The following TAMM41 variants were observed in gnomAD, a reference collection of about 807,000 sequenced individuals.
TAMM41 encodes phosphatidate cytidylyltransferase, mitochondrial.
In TAMM41, 36 loss-of-function variants were observed where a neutral mutation model predicts 44.1. The observed-to-expected ratio is 0.82, with a 90% confidence interval of 0.63 to 1.08. The LOEUF is 1.08. Ranked by LOEUF, TAMM41 falls within the 50% of genes least tolerant of loss-of-function variation. The probability of loss-of-function intolerance (pLI) is 0.00; values close to 1 mark genes in which losing one functional copy is unlikely to be tolerated. For synonymous variants in TAMM41, 164 were observed against 153.1 expected (o/e 1.07, Z -0.53); for missense variants, 417 against 404.3 (o/e 1.03, Z -0.27).
the TAMM41 span, among the ~76,000 whole-genome samples, chr3:11,781,817 G>A: frequency 5.9e-5 from 9 of 151,652 alleles, no homozygotes; most frequent in Non-Finnish European, 8.8e-5. Context: ...TGTCCCAGTC[G>A]TCAACAAATT....
intron 6 of TAMM41, chr3:11,808,101 C>T (rs948052251): frequency 1.4e-5 from 16 of 1,107,820 alleles, no homozygotes; most frequent in South Asian, 1.8e-5. Flanking sequence ...TGGCGCCACC[C>T]GGCTGTGTGA....
intron 2 of TAMM41, chr3:11,843,623 G>C (rs969524622): frequency 6.4e-6 from 1 of 157,222 alleles, no homozygotes; most frequent in African/African-American, 2.4e-5. Flanking sequence ...GGCTGAGGCG[G>C]GAGAATCACT....
chr3:11,763,092 G>A, the TAMM41 span, among the ~76,000 whole-genome samples: 3 of 152,176 alleles, frequency 2.0e-5, no homozygotes, highest in Admixed American at 2.0e-4. Context: ...TGCCCTCCCA[G>A]TGTAGACACA....
chr3:11,745,668 G>A, the TAMM41 span, among the ~76,000 whole-genome samples: 1 of 152,294 alleles, frequency 6.6e-6, no homozygotes, highest in South Asian at 2.1e-4. Flanking sequence ...GTTGCCAGGA[G>A]CTGTGGGAAG....
intron 5 of TAMM41, chr3:11,810,639 G>A (rs1209352865): frequency 6.6e-6 from 1 of 152,158 alleles, no homozygotes; most frequent in Admixed American, 6.5e-5. Context: ...CTTCAACTAA[G>A]AGAAGAGTAA....
chr3:11,728,157 T>C, the TAMM41 span, among the ~76,000 whole-genome samples: 629 of 152,354 alleles, frequency 4.1e-3, 1 homozygote, highest in Non-Finnish European at 6.3e-3. Flanking sequence ...AAATTTTATG[T>C]AGGTTTTATT....
At chr3:11,831,056 G>A (rs1226071047) in intron 3 of TAMM41, among the ~76,000 whole-genome samples, 1 of 152,116 alleles carries the variant, frequency 6.6e-6, no homozygotes, top group Non-Finnish European at 1.5e-5. Context: ...AAGCTCATAA[G>A]GCTGCTAGAA....
chr3:11,793,605 A>C (rs1394505141), intron 7 of TAMM41, among the ~76,000 whole-genome samples: 8 of 152,250 alleles, frequency 5.3e-5, no homozygotes, highest in Non-Finnish European at 1.2e-4. Context: ...CATCAATAGT[A>C]GAATGGATAC....
At chr3:11,817,381 A>G (rs1267797516) in intron 4 of TAMM41, 44 bp from the exon 5 acceptor site, 1 of 1,580,210 alleles carries the variant, frequency 6.3e-7, no homozygotes, top group African/African-American at 1.3e-5. Flanking sequence ...TTAAGAATCC[A>G]CACTCTCGAC....
chr3:11,790,439 C>G, downstream of TAMM41: 1 of 1,412,158 alleles, frequency 7.1e-7, no homozygotes, highest in Non-Finnish European at 1.0e-6. Context: ...GTAACAAACA[C>G]TGTTCTGTCA....
rs562938385 is a variant in TAMM41, at chr3:11,814,945, C to T, written c.708+2247G>A. Among the ~76,000 whole-genome samples, 442 of 152,046 alleles carry T rather than the reference C, an allele frequency of 2.9e-3. 2 individuals carry two copies. The highest frequency in any genetic ancestry group is 4.9e-3 in the Non-Finnish European group (336 of 67,994). On this transcript the variant is annotated intron_variant, in intron 5 of 7. Transcript: ENST00000455809. Reference sequence around the variant, plus strand: ...CGCCTCTGCACTCTAGCCAGGGCAACTGAGCAAGGCCCTGTCAAAAAAGAG... The same window carrying T: ...CGCCTCTGCACTCTAGCCAGGGCAATTGAGCAAGGCCCTGTCAAAAAAGAG...
chr3:11,737,612 G>A, the TAMM41 span, among the ~76,000 whole-genome samples: 2 of 152,108 alleles, frequency 1.3e-5, no homozygotes, highest in Admixed American at 6.6e-5. Flanking sequence ...GAGCCACCAT[G>A]CCCAGCCAGC....
chr3:11,741,216 C>CAAAAAAAAAAA, the TAMM41 span, among the ~76,000 whole-genome samples: 1 of 61,818 alleles, frequency 1.6e-5, no homozygotes, highest in African/African-American at 7.7e-5. Flanking sequence ...GACACCGTCT[C>CAAAAAAAAAAA]AAAAAAAAAA....
At chr3:11,782,408 G>T in the TAMM41 span, among the ~76,000 whole-genome samples, 1 of 151,992 alleles carries the variant, frequency 6.6e-6, no homozygotes, top group African/African-American at 2.4e-5. Flanking sequence ...TTAGCCAGGG[G>T]TGGTGGTGCG....
chr3:11,784,563 TATATAC>T, the TAMM41 span, among the ~76,000 whole-genome samples: 1 of 152,186 alleles, frequency 6.6e-6, no homozygotes, highest in South Asian at 2.1e-4. Context: ...TGGTAATGTG[TATATAC>T]ATACTCACGG....
chr3:11,770,111 G>A, the TAMM41 span, among the ~76,000 whole-genome samples: 1 of 152,232 alleles, frequency 6.6e-6, no homozygotes, highest in Non-Finnish European at 1.5e-5. Context: ...ATCCACAGGG[G>A]AGATGTGTGA....
chr3:11,793,055 A>T (rs2077518187), intron 7 of TAMM41, among the ~76,000 whole-genome samples: 1 of 94,642 alleles, frequency 1.1e-5, no homozygotes, highest in African/African-American at 4.3e-5. Flanking sequence ...GCAAGGCCCC[A>T]TCTCAAAAAA....
chr3:11,828,141 C>T (rs1453573214), intron 4 of TAMM41, among the ~76,000 whole-genome samples: 1 of 152,132 alleles, frequency 6.6e-6, no homozygotes, highest in Non-Finnish European at 1.5e-5. Context: ...TTCTCAGAAG[C>T]CTACAAAAGT....
At chr3:11,794,040 G>A (rs915267160) in intron 7 of TAMM41, among the ~76,000 whole-genome samples, 3 of 152,140 alleles carry the variant, frequency 2.0e-5, no homozygotes, top group Non-Finnish European at 4.4e-5. Context: ...GCAAGACACT[G>A]AACTAGTTGC....
Sources: gnomAD v4.1 joint callset for allele counts (sites outside exome capture counted in the v4.1 genomes callset) on GRCh38, gnomAD v4.1.1 for gene constraint, MANE v1.5 for transcripts, NCBI Gene and HGNC (gene_info 2026-07-23, HGNC 2026-07-21) for gene names.